Variants in DGKG observed in about 807,000 individuals in gnomAD.
DGKG encodes diacylglycerol kinase gamma.
Under a neutral mutation model 105.3 loss-of-function variants are expected in DGKG, and 78 were observed. The ratio of observed to expected loss-of-function variants is 0.74; its 90% CI spans 0.62 to 0.89. The LOEUF (loss-of-function observed/expected upper bound fraction) is 0.89. Ranked by LOEUF, DGKG falls within the 40% of genes least tolerant of loss-of-function variation. The probability of loss-of-function intolerance (pLI) is 0.00; values close to 1 mark genes in which losing one functional copy is unlikely to be tolerated. For missense variants in DGKG, 958 were observed against 1,020.1 expected, an observed-to-expected ratio of 0.94 and a Z score of 0.83; for synonymous variants, 346 against 367.1, an observed-to-expected ratio of 0.94 and a Z score of 0.66.
intron 20 of DGKG, among the ~76,000 whole-genome samples, chr3:186,234,626 A>C (rs1240215892): frequency 2.0e-5 from 3 of 152,174 alleles, no homozygotes; most frequent in Admixed American, 6.5e-5. Context: ...TTCCTGTTCT[A>C]GCCTAGCAGG....
At chr3:186,309,758 A>AT (rs1197652059) in intron 2 of DGKG, among the ~76,000 whole-genome samples, 1 of 152,212 alleles carries the variant, frequency 6.6e-6, no homozygotes. Context: ...TTCTCATCTC[A>AT]TTTTGGATAT....
At chr3:186,176,000 C>G (rs192332281) in intron 22 of DGKG, among the ~76,000 whole-genome samples, 1 of 152,142 alleles carries the variant, frequency 6.6e-6, no homozygotes, top group East Asian at 1.9e-4. Flanking sequence ...AACCAAGGCC[C>G]GATTCAAAAA....
Position 186,268,905 on chromosome 3 carries a change from C to T in DGKG, c.1012G>A (p.Ala338Thr), listed in dbSNP as rs199552752. Residue 338 changes from alanine to threonine, a missense_variant, in exon 12 of 25, where the codon GCA becomes ACA. By Grantham distance (58) the Ala-to-Thr change is moderately conservative (BLOSUM62 0). Coordinates refer to ENST00000265022, the MANE Select transcript of DGKG (RefSeq NM_001346.3). ...AKRSGEVMQH[A>T]WVEGNSSVKC... is the part of the protein sequence containing the mutation. ...ACGGAGGAGTTCCCTTCCACCCATG[C>T]GTGCTGCATCACCTGCGGGAGGGAA... 3.2e-4 allele frequency: 522 copies of T among 1,612,898 alleles called. 4 individuals are homozygous for T. The highest frequency in any genetic ancestry group is 3.2e-3 in the South Asian group (293 of 91,026).
chr3:186,343,191 GA>G (rs1726166967), intron 1 of DGKG, among the ~76,000 whole-genome samples: 1 of 152,188 alleles, frequency 6.6e-6, no homozygotes, highest in Non-Finnish European at 1.5e-5. Flanking sequence ...AACCTCCATG[GA>G]GGCTACTGAA....
chr3:186,188,371 C>A lies in DGKG; in HGVS notation c.1926G>T (p.Gly642=), dbSNP rs561957681. ...LHDHIELECD[G]VGVDLSNIFL... ...AGATGTTGCTCAGGTCCACCCCAAC[C>A]CCATCACACTGGAGGACGGAGAGAA... is the stretch of plus-strand genomic sequence containing the variant. Residue 642 remains glycine, a synonymous_variant, in exon 22 of 25, where the codon GGG becomes GGT. Transcript: ENST00000265022. 1.2e-5 allele frequency: 19 copies of A among 1,614,004 alleles called. No individual in the cohort carries two copies. The Admixed American group carries it at 2.5e-4, about 21-fold the overall frequency.
intron 6 of DGKG, among the ~76,000 whole-genome samples, chr3:186,285,021 C>T (rs1722997683): frequency 6.6e-6 from 1 of 152,160 alleles, no homozygotes; most frequent in Non-Finnish European, 1.5e-5. Context: ...AAAGCAAATG[C>T]CCAGCTGGGG....
intron 1 of DGKG, among the ~76,000 whole-genome samples, chr3:186,323,713 G>A (rs1357872401): frequency 6.6e-6 from 1 of 152,074 alleles, no homozygotes; most frequent in African/African-American, 2.4e-5. Context: ...GAGACGGGCG[G>A]ATCACAAGGT....
rs185882747 is a variant in DGKG at position 186,305,477 on chromosome 3, G to A, written c.144+1424C>T. 2.5e-4 allele frequency among the ~76,000 whole-genome samples: 38 copies of A among 152,302 alleles called. 2 individuals carry two copies. Among genetic ancestry groups the A allele is most frequent in the Admixed American group, 7.8e-4 (12 of 15,298 alleles). ...CAAGAGATGAGGTCAGAGAGCTGGG[G>A]GAGGTGCAGCTTGTAATGACCTTCA... On this transcript the variant is annotated intron_variant, in intron 3 of 24. Transcript: ENST00000265022.
chr3:186,291,785 T>G (rs1723320915), intron 5 of DGKG, among the ~76,000 whole-genome samples: 1 of 152,214 alleles, frequency 6.6e-6, no homozygotes. Context: ...AGAAAACTTT[T>G]AGAGATGATG....
chr3:186,176,546 G>A (rs1412504003), intron 22 of DGKG, among the ~76,000 whole-genome samples: 1 of 152,166 alleles, frequency 6.6e-6, no homozygotes, highest in African/African-American at 2.4e-5. Flanking sequence ...GGCCAGAATG[G>A]GGGAGGTGTG....
chr3:186,168,422 T>A (rs887400609), intron 22 of DGKG, among the ~76,000 whole-genome samples: 2 of 152,036 alleles, frequency 1.3e-5, no homozygotes, highest in Admixed American at 1.3e-4. Flanking sequence ...AAAAGGAGAA[T>A]GTGGAGGCAA....
In DGKG at chr3:186,147,441, G is replaced by A; in HGVS notation, c.*2649C>T. ...GTTGCTATGAGGGTCACTATGATGA[G>A]GGACTCCACCACAAGAAACCACAGT... is the stretch of plus-strand genomic sequence containing the variant. On this transcript the variant is annotated 3_prime_UTR_variant, in exon 25 of 25. Coordinates refer to ENST00000265022, the MANE Select transcript of DGKG (RefSeq NM_001346.3). The A allele has an allele frequency of 1.0e-6, 1 of 984,820 alleles. No individual in the cohort carries two copies. The highest frequency in any genetic ancestry group is 1.2e-6 in the Non-Finnish European group (1 of 829,340). The allele number at this position is 984,820 out of a possible 1,614,324, so 61.0% of individuals were successfully genotyped here.
chr3:186,321,034 A>C (rs2108641084), intron 1 of DGKG, among the ~76,000 whole-genome samples: 1 of 152,378 alleles, frequency 6.6e-6, no homozygotes, highest in African/African-American at 2.4e-5. Context: ...TTCATGAGTA[A>C]TTACAGGAAC....
chr3:186,356,103 G>C (rs569367563), intron 1 of DGKG, among the ~76,000 whole-genome samples: 3 of 152,174 alleles, frequency 2.0e-5, no homozygotes, highest in Admixed American at 1.3e-4. Context: ...AGAAATATGG[G>C]CTCAGTTATA....
At chr3:186,323,814 G>A (rs1318304820) in intron 1 of DGKG, among the ~76,000 whole-genome samples, 2 of 151,886 alleles carry the variant, frequency 1.3e-5, no homozygotes, top group East Asian at 3.9e-4. Context: ...GTGGGTGCCT[G>A]TAGTTCCAGC....
intron 2 of DGKG, among the ~76,000 whole-genome samples, chr3:186,314,493 G>C (rs1268922443): frequency 2.0e-5 from 3 of 152,108 alleles, no homozygotes; most frequent in African/African-American, 7.2e-5. Context: ...GGTGGCTCAC[G>C]CCTGTAGTCC....
At chr3:186,194,588 G>A (rs1414648260) in intron 21 of DGKG, among the ~76,000 whole-genome samples, 1 of 152,110 alleles carries the variant, frequency 6.6e-6, no homozygotes, top group Non-Finnish European at 1.5e-5. Context: ...CACAGATTTG[G>A]TTTGGACGCA....
At chr3:186,330,562 G>A (rs1296102487) in intron 1 of DGKG, among the ~76,000 whole-genome samples, 1 of 152,194 alleles carries the variant, frequency 6.6e-6, no homozygotes, top group East Asian at 1.9e-4. Context: ...TGCCATGTAA[G>A]AAGTTCAGCC....
chr3:186,272,436 C>T (rs1032080660), intron 10 of DGKG, 93 bp from the exon 11 acceptor site: 7 of 883,494 alleles, frequency 7.9e-6, no homozygotes, highest in Non-Finnish European at 1.1e-5. Context: ...CTGTACCTCC[C>T]TTTGGGTGGC....
Sources: allele counts gnomAD v4.1 joint callset (sites outside exome capture counted in the v4.1 genomes callset), GRCh38; gene constraint gnomAD v4.1.1; transcripts MANE v1.5; gene names NCBI Gene and HGNC (gene_info 2026-07-23, HGNC 2026-07-21).